COL2A1: variants seen among roughly 807,000 people sequenced by gnomAD.
COL2A1 encodes the protein collagen alpha-1(II) chain.
Under a neutral mutation model 204.5 loss-of-function variants are expected in COL2A1, and 28 were observed. The observed-to-expected ratio is 0.14, with a 90% CI of 0.10 to 0.19. The LOEUF (loss-of-function observed/expected upper bound fraction) is 0.19, where lower values mean the gene tolerates loss of function less well. Among genes scored for constraint, COL2A1 ranks in the 10% least tolerant of loss-of-function variants. The pLI, the probability that COL2A1 is intolerant of heterozygous loss-of-function variation, is 1.00. For missense variants in COL2A1, 1,388 were observed against 2,027.5 expected (o/e 0.68, Z 6.06); for synonymous variants, 708 against 718.7 (o/e 0.99, Z 0.24).
Position 47,982,570 on chromosome 12 carries a change from G to A in COL2A1, c.2233C>T (p.Pro745Ser). 1 of 1,613,746 alleles carries A rather than the reference G, an allele frequency of 6.2e-7. No individual in the cohort carries two copies. The highest frequency in any genetic ancestry group is 1.1e-5 in the South Asian group (1 of 91,082). The change falls in exon 34 of 54, where the codon CCT becomes TCT. Residue 745 changes from proline to serine, a missense_variant. By Grantham distance (74) the Pro-to-Ser change is moderately conservative (BLOSUM62 -1). Coordinates refer to ENST00000380518, the MANE Select transcript of COL2A1 (RefSeq NM_001844.5). ...CCAGGCATTCCCTGAAGACCTGGAG[G>A]GCCCTGAGCCCCAGGGGGGCCTGCT... ...GPAGPPGAQG[P>S]PGLQGMPGER...
chr12:47,986,868 G>A lies in COL2A1; in HGVS notation c.1386C>T (p.Gly462=), dbSNP rs1315928524. ...CCTTGGGGCCTTGTTCACCTTTGAA[G>A]CCAGCAATACCAGGTTCACCCTTGA... ...KGQTGEPGIA[G]FKGEQGPKGE... is the part of the protein sequence containing the mutation. Residue 462 remains glycine, a synonymous_variant, in exon 22 of 54, where the codon GGC becomes GGT. Coordinates refer to ENST00000380518, the MANE Select transcript of COL2A1 (RefSeq NM_001844.5). The A allele has an allele frequency of 2.5e-6, 4 of 1,614,180 alleles. No individual in the cohort carries two copies. The highest frequency in any genetic ancestry group is 3.4e-6 in the Non-Finnish European group (4 of 1,180,020).
At chr12:47,975,695 C>G in intron 50 of COL2A1, 90 bp from the exon 51 acceptor site, 1 of 1,426,370 alleles carries the variant, frequency 7.0e-7, no homozygotes, top group Non-Finnish European at 9.6e-7. Context: ...TAGAGTGTCC[C>G]TCTTCCCAGC....
At chr12:47,981,257 G>T (rs1939064346) in intron 37 of COL2A1, 86 bp downstream of exon 37, 1 of 1,427,596 alleles carries the variant, frequency 7.0e-7, no homozygotes, top group African/African-American at 1.4e-5. Context: ...GGGCCACCAG[G>T]CAGCATGAGG....
chr12:47,998,277 C>T (rs1319240651), intron 3 of COL2A1, 76 bp from the exon 4 acceptor site: 1 of 1,599,702 alleles, frequency 6.3e-7, no homozygotes, highest in Non-Finnish European at 8.6e-7. Context: ...GCCAGCAGCC[C>T]CTGTGTTGAG....
intron 11 of COL2A1, among the ~76,000 whole-genome samples, chr12:47,995,035 A>G (rs1287693772): frequency 6.6e-6 from 1 of 151,892 alleles, no homozygotes; most frequent in Non-Finnish European, 1.5e-5. Context: ...TGTTTTAATT[A>G]TTTGTCTTCC....
At position 47,978,597 on chromosome 12, in the gene COL2A1, A is replaced by G. The variant is rs368853371; in HGVS notation, c.2895T>C (p.Ser965=). 3.8e-5 allele frequency: 62 copies of G among 1,613,406 alleles called. No homozygotes were observed. The highest frequency in any genetic ancestry group is 8.3e-5 in the Admixed American group (5 of 59,984). Residue 965 remains serine, a splice_region_variant and synonymous_variant, in exon 42 of 54, where the codon TCT becomes TCC. Transcript: ENST00000380518. The surrounding 1 kb of genome is among the most constrained non-coding windows in gnomAD (Gnocchi z 5.5). ...EKGEPGDDGP[S]GAEGPPGPQG... ...GGCATGGGCCTGGTGAGGGACTTAC[A>G]GAGGGACCGTCATCTCCAGGCTCTC...
chr12:47,978,161 C>G lies in COL2A1; in HGVS notation c.3004-44G>C. 2.5e-6 allele frequency: 4 copies of G among 1,593,236 alleles called. No homozygotes were observed. In the East Asian group the frequency reaches 9.1e-5, roughly 36 times the overall value. ...GGATGATGAGTGCAAGTGGTAAGCA[C>G]CCCTGCCCAGGGCCCACTGACCCTT... On this transcript the variant is annotated intron_variant, in intron 43 of 53. Coordinates refer to ENST00000380518, the MANE Select transcript of COL2A1 (RefSeq NM_001844.5). The surrounding 1 kb of genome is among the most constrained non-coding windows in gnomAD (Gnocchi z 5.5).
chr12:47,991,691 C>T (rs867541622), intron 16 of COL2A1, among the ~76,000 whole-genome samples: 1 of 152,202 alleles, frequency 6.6e-6, no homozygotes, highest in Non-Finnish European at 1.5e-5. Context: ...GGCGGCTGTG[C>T]CCAGGAAGGA....
chr12:47,983,300 C>T, intron 31 of COL2A1, 85 bp downstream of exon 31: 1 of 1,516,084 alleles, frequency 6.6e-7, no homozygotes, highest in Non-Finnish European at 9.1e-7. Context: ...CAGGGCTCCT[C>T]ATGCCCTCTT....
In COL2A1 at chr12:47,983,106, A is replaced by G. The variant is rs1939188413; in HGVS notation, c.2081T>C (p.Leu694Pro). 9.3e-6 allele frequency: 15 copies of G among 1,613,938 alleles called. No homozygotes were observed. Among genetic ancestry groups the G allele is most frequent in the Non-Finnish European group, 1.2e-5 (14 of 1,179,926 alleles). ...CAGGATACTCACCCTGGGACCCACGAGGCCAGGGGCTCCAGCTTCACCGGG... is the reference window on the plus strand; with the variant it reads ...CAGGATACTCACCCTGGGACCCACGGGGCCAGGGGCTCCAGCTTCACCGGG... Reference protein sequence around the residue: ...GVPGEAGAPGLVGPRGERGFP... With the variant: ...GVPGEAGAPGPVGPRGERGFP... Residue 694 changes from leucine (L) to proline (P), a missense_variant, in exon 32 of 54, where the codon CTC becomes CCC. By Grantham distance (98) the Leu-to-Pro change is moderately conservative (BLOSUM62 -3). Around this residue, in one of 3 missense-constraint regions of COL2A1, gnomAD observed 884 missense variants for 1,415.8 expected, o/e 0.62. Transcript: ENST00000380518.
chr12:47,980,919 G>T lies in COL2A1; in HGVS notation c.2513C>A (p.Pro838His), dbSNP rs912002483. Reference protein sequence around the residue: ...GPPGPAGFAGPPGADGQPGAK... With the variant: ...GPPGPAGFAGHPGADGQPGAK... ...AGGATGGACAGAGATACTCACAGGA[G>T]GCCCAGCAAATCCCGCTGGTCCGGG... is the stretch of plus-strand genomic sequence containing the variant. Residue 838 changes from proline to histidine, a missense_variant, in exon 38 of 54, where the codon CCT (proline) becomes CAT (histidine). Transcript: ENST00000380518. This position sits in a 1 kb window ranked among gnomAD's most constrained non-coding sequence, Gnocchi z 4.5. 1.0e-5 allele frequency: 16 copies of T among 1,552,566 alleles called. No homozygotes were observed. The highest frequency in any genetic ancestry group is 9.8e-5 in the Admixed American group (5 of 51,168).
chr12:47,986,555 G>GA, intron 22 of COL2A1, 112 bp from the exon 23 acceptor site: 2 of 766,288 alleles, frequency 2.6e-6, no homozygotes, highest in Non-Finnish European at 4.4e-6. Context: ...GGCTGGGGGG[G>GA]GGCTTGAGGA....
At position 47,977,994 on chromosome 12, in the gene COL2A1, G is replaced by A. The variant is rs971549520; in HGVS notation, c.3111+16C>T. ...TCTCCCCAATCAGGGCCACCCCAGG[G>A]GGTCTCACTGCTCACCTCTCGTCCA... On this transcript the variant is annotated intron_variant, in intron 44 of 53. Transcript: ENST00000380518. 1.2e-6 allele frequency: 2 copies of A among 1,610,336 alleles called. No homozygotes were observed. Among genetic ancestry groups the A allele is most frequent in the African/African-American group, 1.3e-5 (1 of 74,960 alleles).
Position 47,982,185 on chromosome 12 carries a change from C to T in COL2A1, c.2302-25G>A, listed in dbSNP as rs187697871. The T allele has an allele frequency of 3.1e-4, 506 of 1,608,654 alleles. No individual in the cohort carries two copies. The African/African-American group carries it at 6.0e-3, about 19-fold the overall frequency. On this transcript the variant is annotated intron_variant, in intron 34 of 53. Coordinates refer to ENST00000380518, the MANE Select transcript of COL2A1 (RefSeq NM_001844.5). ...CCTGAGGGAAGAGAAAACCAGCCGCCTCAGCCAGGCACCCCAGGACCCCCA... is the reference window on the plus strand; with the variant it reads ...CCTGAGGGAAGAGAAAACCAGCCGCTTCAGCCAGGCACCCCAGGACCCCCA...
At chr12:47,990,701 T>C (rs1363450732) in intron 16 of COL2A1, among the ~76,000 whole-genome samples, 1 of 152,244 alleles carries the variant, frequency 6.6e-6, no homozygotes, top group African/African-American at 2.4e-5. Context: ...TAAGAGGCTT[T>C]TGCTTACAAA....
chr12:47,989,819 G>A lies in COL2A1; in HGVS notation c.1024-14C>T. ...GCCTCGGGCACCCTGTGAGCAAGAA[G>A]GAAGTGACCATGAGAGGTGCCCACA... On this transcript the variant is annotated splice_polypyrimidine_tract_variant and intron_variant, in intron 16 of 53. Coordinates refer to ENST00000380518, the MANE Select transcript of COL2A1 (RefSeq NM_001844.5). 3 of 1,612,820 alleles carry A rather than the reference G, an allele frequency of 1.9e-6. No homozygotes were observed. Among genetic ancestry groups the A allele is most frequent in the Non-Finnish European group, 2.5e-6 (3 of 1,179,900 alleles).
Position 47,973,484 on chromosome 12 carries a change from T to C in COL2A1, c.4387A>G (p.Ile1463Val), listed in dbSNP as rs1490116358. ...CCTATGTCCATGGGTGCAATGTCAA[T>C]GATGGGGAGGCGTGAGGTCTTCTGT... ...RSQKTSRLPI[I>V]DIAPMDIGGP... is the part of the protein sequence containing the mutation. The change falls in exon 54 of 54, where the codon ATT becomes GTT. Residue 1463 changes from isoleucine to valine, a missense_variant. This residue lies in a region of COL2A1 where 303 missense variants were observed against 369.2 expected (regional missense o/e 0.82). Transcript: ENST00000380518. 1 of 1,614,060 alleles carries C rather than the reference T, an allele frequency of 6.2e-7. No homozygotes were observed. The highest frequency in any genetic ancestry group is 8.5e-7 in the Non-Finnish European group (1 of 1,179,984).
chr12:47,995,416 A>ACT, intron 10 of COL2A1, 108 bp from the exon 11 acceptor site: 1 of 1,011,644 alleles, frequency 9.9e-7, no homozygotes, highest in Non-Finnish European at 1.6e-6. Context: ...TCTATGAAGA[A>ACT]GAAAGATGGG....
intron 18 of COL2A1, among the ~76,000 whole-genome samples, chr12:47,988,871 G>A (rs902816920): frequency 5.3e-5 from 8 of 152,222 alleles, no homozygotes; most frequent in African/African-American, 1.4e-4. Flanking sequence ...TCAGGGCCCC[G>A]AGCTTGCTCA....
Sources: gnomAD v4.1 joint callset for allele counts (sites outside exome capture counted in the v4.1 genomes callset) on GRCh38, gnomAD v4.1.1 for gene constraint, gnomAD v4.1.1 regional missense constraint, Gnocchi (gnomAD v3.1) non-coding constraint, MANE v1.5 for transcripts, NCBI Gene and HGNC (gene_info 2026-07-23, HGNC 2026-07-21) for gene names.